STXBP2: variants seen among roughly 807,000 people sequenced by gnomAD.
The protein encoded by STXBP2 is syntaxin binding protein 2, also known as syntaxin-binding protein 2.
STXBP2 carries 47 observed loss-of-function variants against 72.2 expected under a neutral mutation model. The ratio of observed to expected loss-of-function variants is 0.65; its 90% CI spans 0.51 to 0.83. STXBP2 has a LOEUF of 0.83. Ranked by LOEUF, STXBP2 falls within the 40% of genes least tolerant of loss-of-function variation. The pLI is 0.00. For missense variants in STXBP2, 702 were observed against 807.6 expected (o/e 0.87, Z 1.58); for synonymous variants, 367 against 338.7 (o/e 1.08, Z -0.92).
rs561820866 is a variant in STXBP2, at chr19:7,644,883, C to G, written c.1246+131C>G. Reference sequence around the variant, plus strand: ...CGGGCTCACCAACCCCCACAGCTACCCCTCTGGACCCGGGAACCCTCCTCC... The same window carrying G: ...CGGGCTCACCAACCCCCACAGCTACGCCTCTGGACCCGGGAACCCTCCTCC... On this transcript the variant is annotated intron_variant, in intron 14 of 18. Coordinates refer to ENST00000221283, the MANE Select transcript of STXBP2 (RefSeq NM_006949.4). 48 of 1,504,588 alleles carry G rather than the reference C, an allele frequency of 3.2e-5. No individual in the cohort carries two copies. The East Asian group carries it at 1.1e-3, about 34-fold the overall frequency. 93.2% of individuals were successfully genotyped at this position (1,504,588 alleles called of 1,614,324 possible).
rs1384429166 is a variant in STXBP2, at chr19:7,639,059, C to T, written c.128C>T (p.Ser43Phe). Residue 43 changes from serine (S) to phenylalanine (F), a missense_variant, in exon 3 of 19, where the codon TCC (serine) becomes TTC (phenylalanine). Coordinates refer to ENST00000221283, the MANE Select transcript of STXBP2 (RefSeq NM_006949.4). The part of the protein sequence containing the change: ...MDHPSMRILS[S>F]CCKMSDILAE... ...CACCCAAGCATGCGCATCTTGTCTT[C>T]CTGCTGCAAAATGTCAGATATCCTG... 1 of 1,614,260 alleles carries T rather than the reference C, an allele frequency of 6.2e-7. No homozygotes were observed. Among genetic ancestry groups the T allele is most frequent in the African/African-American group, 1.3e-5 (1 of 75,068 alleles).
the STXBP2 span, chr19:7,631,340 C>G: frequency 4.5e-5 from 63 of 1,395,848 alleles, no homozygotes; most frequent in Non-Finnish European, 4.9e-5. Flanking sequence ...CAGGGGGCTT[C>G]CAGTGAAGAC....
chr19:7,631,092 C>T, the STXBP2 span: 5 of 743,882 alleles, frequency 6.7e-6, no homozygotes, highest in South Asian at 9.5e-5. Flanking sequence ...CCTATAATTC[C>T]AGCTGCTTGG....
In STXBP2 at chr19:7,642,927, T is replaced by G. The variant is rs2031953914; in HGVS notation, c.961-56T>G. ...TTTCGAGCCTGGACTGAGACCCAGG[T>G]GGGCACTGCCTGGCTTCGCCCCCCA... On this transcript the variant is annotated intron_variant, in intron 11 of 18. Coordinates refer to ENST00000221283, the MANE Select transcript of STXBP2 (RefSeq NM_006949.4). The surrounding 1 kb of genome is among the most constrained non-coding windows in gnomAD (Gnocchi z 6.0). 6 of 1,611,332 alleles carry G rather than the reference T, an allele frequency of 3.7e-6. No individual in the cohort carries two copies. The Admixed American group carries it at 5.0e-5, about 13-fold the overall frequency.
At chr19:7,645,877 G>A in intron 15 of STXBP2, 1 of 390,684 alleles carries the variant, frequency 2.6e-6, no homozygotes. Context: ...TCTGTTCTCT[G>A]TCTTGCTCCC....
At position 7,639,973 on chromosome 19, in the gene STXBP2, CAT is replaced by C. The variant is rs60534261; in HGVS notation, c.246+167_246+168del. ...GCATGTGTGTGTGCATCTGTGTATG[CAT>C]GTGTGTGCGTGTTTGCATGTGTGTC... On this transcript the variant is annotated intron_variant, in intron 4 of 18. Coordinates refer to ENST00000221283, the MANE Select transcript of STXBP2 (RefSeq NM_006949.4). 9.2e-4 allele frequency: 721 copies of C among 779,654 alleles called. 5 individuals are homozygous for C. The African/African-American group carries it at 0.011, about 12-fold the overall frequency. The allele number at this position is 779,654 out of a possible 1,614,324, so 48.3% of individuals were successfully genotyped here. A position where few individuals can be genotyped will look rare whatever the true frequency, so the allele number is the denominator to read the frequency against.
In STXBP2 at chr19:7,642,123, G is replaced by T; in HGVS notation, c.663+5G>T. The T allele has an allele frequency of 6.2e-7, 1 of 1,614,080 alleles. No homozygotes were observed. Among genetic ancestry groups the T allele is most frequent in the Non-Finnish European group, 8.5e-7 (1 of 1,180,006 alleles). On this transcript the variant is annotated splice_donor_5th_base_variant and intron_variant, in intron 8 of 18. Transcript: ENST00000221283. The surrounding 1 kb of genome is among the most constrained non-coding windows in gnomAD (Gnocchi z 6.0). ...GACACTCCCAGTCTGGGCGAGGTGA[G>T]GGGGCGTGCTTGGGAGGTGAGGGGC...
chr19:7,631,964 A>G, upstream of STXBP2: 1 of 762,738 alleles, frequency 1.3e-6, no homozygotes, highest in Non-Finnish European at 1.9e-6. Flanking sequence ...TTAGGGTGGC[A>G]TTTGAGTGTG....
rs575143221 is a variant in STXBP2, at chr19:7,638,752, G to A, written c.64G>A (p.Val22Ile). The A allele has an allele frequency of 5.0e-6, 8 of 1,614,148 alleles. No homozygotes were observed. The South Asian group carries it at 8.8e-5, about 18-fold the overall frequency. Residue 22 changes from valine to isoleucine, a missense_variant, in exon 2 of 19, where the codon GTC becomes ATC. Transcript: ENST00000221283. Reference sequence around the variant, plus strand: ...AATTCTGAGCGGAGTTATTCGGAGTGTCAAGAAGGATGGGGAGTGGAAGGT... The same window carrying A: ...AATTCTGAGCGGAGTTATTCGGAGTATCAAGAAGGATGGGGAGTGGAAGGT... ...EKILSGVIRS[V>I]KKDGEWKVLI... is the part of the protein sequence containing the mutation.
chr19:7,645,999 C>T (rs1254683182), intron 15 of STXBP2: 2 of 578,860 alleles, frequency 3.5e-6, no homozygotes, highest in East Asian at 5.7e-5. Context: ...ATCTCTTTGC[C>T]TATCTCTGCC....
chr19:7,641,963 G>A lies in STXBP2; in HGVS notation c.579-71G>A, dbSNP rs544943281. 110 of 1,594,520 alleles carry A rather than the reference G, an allele frequency of 6.9e-5. No individual in the cohort carries two copies. In the African/African-American group the frequency reaches 1.3e-3, roughly 19 times the overall value. ...CAGCCCCGGCCCTACCCTGGCCCCTGACTCTCACCTTCAAACCCATCCTTG... is the reference window on the plus strand; with the variant it reads ...CAGCCCCGGCCCTACCCTGGCCCCTAACTCTCACCTTCAAACCCATCCTTG... On this transcript the variant is annotated intron_variant, in intron 7 of 18. Coordinates refer to ENST00000221283, the MANE Select transcript of STXBP2 (RefSeq NM_006949.4).
At chr19:7,639,156 G>A in intron 3 of STXBP2, 56 bp downstream of exon 3, 16 of 1,574,422 alleles carry the variant, frequency 1.0e-5, no homozygotes, top group Non-Finnish European at 1.4e-5. Context: ...CCCTGACTGT[G>A]CCCCTCTCCC....
chr19:7,636,910 G>A (rs142321580), upstream of STXBP2: 95 of 392,996 alleles, frequency 2.4e-4, 1 homozygote, highest in East Asian at 2.9e-3. Context: ...CCATCTGTGA[G>A]CGTGTCGTCG....
chr19:7,644,825 C>T (rs2032066675), intron 14 of STXBP2, 73 bp downstream of exon 14: 2 of 1,607,792 alleles, frequency 1.2e-6, no homozygotes, highest in Non-Finnish European at 1.7e-6. Context: ...AACTGCTGAA[C>T]CCCACAGCTC....
rs2031685376 is a variant in STXBP2, at chr19:7,639,099, C to T, written c.168C>T (p.Thr56=). The T allele has an allele frequency of 2.5e-6, 4 of 1,614,188 alleles. No individual in the cohort carries two copies. Among genetic ancestry groups the T allele is most frequent in the Non-Finnish European group, 2.5e-6 (3 of 1,180,016 alleles). ...KMSDILAEGI[T]IVEDINKRRE... is the part of the protein sequence containing the mutation. ...CAGATATCCTGGCTGAGGGCATCAC[C>T]AGTGAGTGAACGCGTCCCCAGTGAG... Residue 56 remains threonine, a splice_region_variant and synonymous_variant, in exon 3 of 19, where the codon ACC becomes ACT. Coordinates refer to ENST00000221283, the MANE Select transcript of STXBP2 (RefSeq NM_006949.4).
intron 14 of STXBP2, 134 bp from the exon 15 acceptor site, chr19:7,645,062 AC>A: frequency 6.8e-7 from 1 of 1,466,098 alleles, no homozygotes; most frequent in Non-Finnish European, 9.2e-7. Context: ...TCACACTAGC[AC>A]AGGGTACTGA....
Position 7,640,799 on chromosome 19 carries a change from C to T in STXBP2, c.315C>T (p.Phe105=), listed in dbSNP as rs754858813. 10 of 1,614,198 alleles carry T rather than the reference C, an allele frequency of 6.2e-6. No individual in the cohort carries two copies. Among genetic ancestry groups the T allele is most frequent in the Admixed American group, 3.3e-5 (2 of 60,028 alleles). ...TCACCTACAAAGCGGCCCATATCTT[C>T]TTCACCGACAGTGAGTGAGGAGAGC... is the stretch of plus-strand genomic sequence containing the variant. ...PTFTYKAAHI[F]FTDTCPEPLF... Residue 105 remains phenylalanine, a synonymous_variant, in exon 5 of 19, where the codon TTC becomes TTT. Transcript: ENST00000221283.
Position 7,642,749 on chromosome 19 carries a change from C to T in STXBP2, c.903-17C>T. The T allele has an allele frequency of 6.2e-7, 1 of 1,613,536 alleles. No homozygotes were observed. The highest frequency in any genetic ancestry group is 8.5e-7 in the Non-Finnish European group (1 of 1,179,804). ...TCCTCTCCCCTCACTCTCACCCCCG[C>T]CCACCCTCATGGCCAGGAAGGTCAC... On this transcript the variant is annotated splice_polypyrimidine_tract_variant and intron_variant, in intron 10 of 18. Transcript: ENST00000221283. This position sits in a 1 kb window ranked among gnomAD's most constrained non-coding sequence, Gnocchi z 6.0.
chr19:7,646,821 G>C, intron 16 of STXBP2: 1 of 451,998 alleles, frequency 2.2e-6, no homozygotes, highest in Non-Finnish European at 4.0e-6. Context: ...GGGGCTGAGA[G>C]CCCAGACACT....
Sources: gnomAD v4.1 joint callset for allele counts on GRCh38, gnomAD v4.1.1 for gene constraint, Gnocchi (gnomAD v3.1) non-coding constraint, MANE v1.5 for transcripts, NCBI Gene and HGNC (gene_info 2026-07-23, HGNC 2026-07-21) for gene names.